The following RFX7 variants were observed in gnomAD, a reference collection of about 807,000 sequenced individuals.
RFX7 encodes the protein regulatory factor X7.
A neutral mutation model predicts 111.8 loss-of-function variants in RFX7; 26 were observed. That is an observed-to-expected ratio of 0.23 (90% CI 0.17 to 0.32). The LOEUF is 0.32. Among genes scored for constraint, RFX7 ranks in the 10% least tolerant of loss-of-function variants. The probability of loss-of-function intolerance (pLI) is 1.00; values close to 1 mark genes in which losing one functional copy is unlikely to be tolerated. For synonymous variants in RFX7, 624 were observed against 624.4 expected (o/e 1.00, Z 0.01); for missense variants, 1,573 against 1,772.9 (o/e 0.89, Z 2.02).
intron 4 of RFX7, among the ~76,000 whole-genome samples, chr15:56,143,152 T>G (rs11071251): frequency 6.6e-6 from 1 of 152,120 alleles, no homozygotes; most frequent in South Asian, 2.1e-4. Context: ...AGTATTTGTT[T>G]TGGTCAAAAA....
chr15:56,163,923 C>T (rs2042753863), intron 3 of RFX7, among the ~76,000 whole-genome samples: 1 of 152,064 alleles, frequency 6.6e-6, no homozygotes, highest in African/African-American at 2.4e-5. Flanking sequence ...ATAACCTTGC[C>T]CCCAAATAAT....
At chr15:56,149,364 G>C (rs1306361623) in intron 3 of RFX7, among the ~76,000 whole-genome samples, 1 of 152,138 alleles carries the variant, frequency 6.6e-6, no homozygotes, top group Non-Finnish European at 1.5e-5. Flanking sequence ...CTTTCCTCTA[G>C]CACCTTTGAG....
At chr15:56,139,439 G>A (rs1006624388) in intron 5 of RFX7, among the ~76,000 whole-genome samples, 2 of 152,152 alleles carry the variant, frequency 1.3e-5, no homozygotes, top group African/African-American at 4.8e-5. Flanking sequence ...TCTTCACGTA[G>A]CTCTCGAACC....
chr15:56,122,183 G>A (rs969709589), intron 5 of RFX7, among the ~76,000 whole-genome samples: 3 of 152,086 alleles, frequency 2.0e-5, no homozygotes, highest in African/African-American at 4.8e-5. Flanking sequence ...GCAGGTATTC[G>A]AAGGGACTTT....
intron 5 of RFX7, among the ~76,000 whole-genome samples, chr15:56,130,733 A>G (rs1248733501): frequency 6.6e-6 from 1 of 152,072 alleles, no homozygotes; most frequent in Non-Finnish European, 1.5e-5. Context: ...TTACTTGTCT[A>G]AAAAAGAAAA....
At chr15:56,136,560 A>C (rs1247094488) in intron 5 of RFX7, among the ~76,000 whole-genome samples, 4 of 147,394 alleles carry the variant, frequency 2.7e-5, no homozygotes, top group South Asian at 2.2e-4. Flanking sequence ...TGTCGTCTGC[A>C]AACAGGGACA....
At chr15:56,183,430 C>T (rs879243147) in intron 2 of RFX7, among the ~76,000 whole-genome samples, 5 of 151,954 alleles carry the variant, frequency 3.3e-5, no homozygotes, top group Non-Finnish European at 2.9e-5. Flanking sequence ...GATCTTTAAT[C>T]GGAATTTATT....
chr15:56,160,093 G>A (rs545159325), intron 3 of RFX7, among the ~76,000 whole-genome samples: 1 of 152,086 alleles, frequency 6.6e-6, no homozygotes, highest in Non-Finnish European at 1.5e-5. Context: ...AAAAAAGTGG[G>A]GAAGGGCTGA....
chr15:56,143,497 C>T (rs987994533), intron 4 of RFX7, among the ~76,000 whole-genome samples: 3 of 151,934 alleles, frequency 2.0e-5, no homozygotes, highest in African/African-American at 7.3e-5. Flanking sequence ...TAAAGCCAGG[C>T]CCCCTGCCTC....
At chr15:56,132,291 A>G (rs1276913332) in intron 5 of RFX7, among the ~76,000 whole-genome samples, 1 of 152,076 alleles carries the variant, frequency 6.6e-6, no homozygotes, top group Admixed American at 6.5e-5. Context: ...AAAAAGAGGT[A>G]TAAGGAGGAA....
rs1417392719 is a variant in RFX7, at chr15:56,091,189, A to G, written c.*2156T>C. 6.6e-6 allele frequency: 1 copy of G among 152,602 alleles called. No individual in the cohort carries two copies. The highest frequency in any genetic ancestry group is 2.4e-5 in the African/African-American group (1 of 41,466). 9.5% of individuals were successfully genotyped at this position (152,602 alleles called of 1,614,324 possible). Reference sequence around the variant, plus strand: ...ATATTCTCATGTAAGAGAATAATAGAAATATCTCATTGAGATCAATGCACA... The same window carrying G: ...ATATTCTCATGTAAGAGAATAATAGGAATATCTCATTGAGATCAATGCACA... On this transcript the variant is annotated 3_prime_UTR_variant, in exon 10 of 10. Transcript: ENST00000559447.
chr15:56,138,138 G>A (rs1409433752), intron 5 of RFX7, among the ~76,000 whole-genome samples: 4 of 133,984 alleles, frequency 3.0e-5, no homozygotes, highest in South Asian at 3.0e-4. Flanking sequence ...GGTCCGCTTG[G>A]TGCAGAGCTG....
chr15:56,241,719 GTC>G (rs2043691447), intron 2 of RFX7, among the ~76,000 whole-genome samples: 1 of 99,816 alleles, frequency 1.0e-5, no homozygotes, highest in Non-Finnish European at 2.4e-5. Context: ...CCTGCTTTCT[GTC>G]ACACACACAC....
chr15:56,192,979 T>C (rs531043474), intron 2 of RFX7: 2 of 194,748 alleles, frequency 1.0e-5, no homozygotes, highest in South Asian at 2.2e-4. Context: ...ATATTGCATC[T>C]GTGCTGGTTG....
chr15:56,177,201 G>C (rs1272167872), intron 3 of RFX7, among the ~76,000 whole-genome samples: 1 of 152,082 alleles, frequency 6.6e-6, no homozygotes, highest in Non-Finnish European at 1.5e-5. Flanking sequence ...AGGAGATCAT[G>C]ACTCAAGCTG....
At chr15:56,229,119 AT>A (rs1173902511) in intron 2 of RFX7, among the ~76,000 whole-genome samples, 2 of 151,924 alleles carry the variant, frequency 1.3e-5, no homozygotes, top group South Asian at 2.1e-4. Flanking sequence ...AAACTCACAA[AT>A]TTTTTTTCTG....
intron 5 of RFX7, among the ~76,000 whole-genome samples, chr15:56,137,576 G>C (rs529786508): frequency 3.5e-4 from 53 of 151,346 alleles, no homozygotes; most frequent in East Asian, 2.5e-3. Context: ...CTCCTGGATT[G>C]ATTAATTTTT....
intron 2 of RFX7, among the ~76,000 whole-genome samples, chr15:56,180,682 G>C (rs2042960076): frequency 6.7e-6 from 1 of 149,692 alleles, no homozygotes; most frequent in African/African-American, 2.5e-5. Context: ...GAGGCAGGTG[G>C]ATTGCCTTGG....
chr15:56,202,010 G>A (rs1271002769), intron 2 of RFX7, among the ~76,000 whole-genome samples: 1 of 152,022 alleles, frequency 6.6e-6, no homozygotes. Context: ...CAGCCTGGGC[G>A]ACAGAGCGAG....
Sources: allele counts gnomAD v4.1 joint callset (sites outside exome capture counted in the v4.1 genomes callset), GRCh38; gene constraint gnomAD v4.1.1; transcripts MANE v1.5; gene names NCBI Gene and HGNC (gene_info 2026-07-23, HGNC 2026-07-21).